The following TFEC variants were observed in gnomAD, a reference collection of about 807,000 sequenced individuals.
TFEC encodes class E basic helix-loop-helix protein 34.
TFEC carries 31 observed loss-of-function variants against 41.6 expected under a neutral mutation model. That is an observed-to-expected ratio of 0.74 (90% CI 0.56 to 1.01). The LOEUF (loss-of-function observed/expected upper bound fraction) is 1.01. TFEC is among the 50% of genes least tolerant of loss of function. The pLI is 0.00. For missense variants in TFEC, 402 were observed against 404.1 expected (o/e 0.99, Z 0.04); for synonymous variants, 143 against 140.6 (o/e 1.02, Z -0.12).
intron 1 of TFEC, among the ~76,000 whole-genome samples, chr7:115,988,436 G>GA (rs1333069434): frequency 1.4e-4 from 22 of 152,134 alleles, no homozygotes; most frequent in Admixed American, 1.4e-3. Context: ...GAATGCTTTT[G>GA]ATGAGTTTAT....
At chr7:116,109,848 G>A (rs1016842999) in intron 3 of TFEC, among the ~76,000 whole-genome samples, 11 of 152,160 alleles carry the variant, frequency 7.2e-5, no homozygotes, top group Admixed American at 2.6e-4. Context: ...ATGATAGATC[G>A]GATTAAGAAA....
At chr7:116,082,411 C>G (rs1017260526) in intron 3 of TFEC, among the ~76,000 whole-genome samples, 1 of 151,896 alleles carries the variant, frequency 6.6e-6, no homozygotes, top group Non-Finnish European at 1.5e-5. Flanking sequence ...CCAAATTATG[C>G]CTAAATATAT....
chr7:116,159,765 T>C (rs1798938211), intron 1 of TFEC: 1 of 152,134 alleles, frequency 6.6e-6, no homozygotes, highest in South Asian at 2.1e-4. Context: ...GTAGTTCCAA[T>C]TAAATAATTC....
intron 1 of TFEC, among the ~76,000 whole-genome samples, chr7:116,028,878 TC>T (rs1795684003): frequency 6.6e-6 from 1 of 152,200 alleles, no homozygotes; most frequent in Non-Finnish European, 1.5e-5. Context: ...TCCTTATTTC[TC>T]CTTTCTGACT....
intron 1 of TFEC, among the ~76,000 whole-genome samples, chr7:116,116,708 A>G (rs1406918265): frequency 6.6e-6 from 1 of 151,918 alleles, no homozygotes; most frequent in Non-Finnish European, 1.5e-5. Context: ...AGCAAATAAG[A>G]GCACATGTCC....
At chr7:115,993,293 G>C (rs113075008) in intron 1 of TFEC, among the ~76,000 whole-genome samples, 5 of 152,264 alleles carry the variant, frequency 3.3e-5, no homozygotes, top group African/African-American at 1.2e-4. Context: ...TTGAAAACTG[G>C]CACAAGACAG....
chr7:116,018,550 T>C (rs1274154827), intron 1 of TFEC, among the ~76,000 whole-genome samples: 1 of 152,106 alleles, frequency 6.6e-6, no homozygotes, highest in African/African-American at 2.4e-5. Context: ...ACACAAGGAA[T>C]CTAGCTTTGG....
chr7:115,955,990 G>A (rs771238161), intron 4 of TFEC, among the ~76,000 whole-genome samples: 10 of 151,788 alleles, frequency 6.6e-5, no homozygotes, highest in South Asian at 2.1e-4. Flanking sequence ...TTATTCTTAC[G>A]GAGGATCTAA....
chr7:115,955,688 A>G (rs941366237), intron 4 of TFEC, among the ~76,000 whole-genome samples: 2 of 152,080 alleles, frequency 1.3e-5, no homozygotes, highest in Non-Finnish European at 2.9e-5. Flanking sequence ...ATAAATGTTT[A>G]TTACTTCAAG....
At chr7:116,058,882 G>A (rs535360551) in intron 3 of TFEC, among the ~76,000 whole-genome samples, 1 of 151,718 alleles carries the variant, frequency 6.6e-6, no homozygotes, top group East Asian at 1.9e-4. Flanking sequence ...GTGAGATGCC[G>A]ATAAAGCAAT....
intron 1 of TFEC, among the ~76,000 whole-genome samples, chr7:115,991,087 A>C (rs1794089221): frequency 6.6e-6 from 1 of 152,214 alleles, no homozygotes; most frequent in South Asian, 2.1e-4. Context: ...AAAATTCATA[A>C]AGAAAAGAAT....
chr7:115,980,501 G>T (rs1387491764), intron 2 of TFEC, among the ~76,000 whole-genome samples: 3 of 152,204 alleles, frequency 2.0e-5, no homozygotes, highest in Admixed American at 2.0e-4. Context: ...TGCAATCCCA[G>T]CACTTTGGGA....
intron 1 of TFEC, among the ~76,000 whole-genome samples, chr7:116,024,467 C>T (rs749127078): frequency 7.2e-4 from 110 of 152,244 alleles, no homozygotes; most frequent in Non-Finnish European, 1.3e-3. Context: ...GGAAATTTAC[C>T]TATCCTTCAC....
At chr7:115,969,762 G>C (rs1793047592) in intron 3 of TFEC, among the ~76,000 whole-genome samples, 1 of 152,104 alleles carries the variant, frequency 6.6e-6, no homozygotes, top group Non-Finnish European at 1.5e-5. Context: ...AGCTAGGTCA[G>C]AGCCTGTGGC....
intron 3 of TFEC, among the ~76,000 whole-genome samples, chr7:116,055,556 T>C (rs1400351308): frequency 6.6e-6 from 1 of 151,980 alleles, no homozygotes; most frequent in Non-Finnish European, 1.5e-5. Flanking sequence ...CTATAAATGA[T>C]ATAGGAAATA....
At chr7:116,037,628 T>C (rs1186700220) in intron 3 of TFEC, among the ~76,000 whole-genome samples, 1 of 152,034 alleles carries the variant, frequency 6.6e-6, no homozygotes, top group Non-Finnish European at 1.5e-5. Flanking sequence ...ATTTTGCCTG[T>C]ATAACACTTT....
chr7:116,119,515 A>T (rs1798063971), intron 1 of TFEC, among the ~76,000 whole-genome samples: 1 of 151,854 alleles, frequency 6.6e-6, no homozygotes, highest in Non-Finnish European at 1.5e-5. Flanking sequence ...CATACGTACA[A>T]TATTTTGAAT....
chr7:116,118,655 C>A (rs558618608), intron 1 of TFEC, among the ~76,000 whole-genome samples: 1 of 151,878 alleles, frequency 6.6e-6, no homozygotes, highest in South Asian at 2.1e-4. Context: ...TTAGTGGTGT[C>A]TAACACTTTT....
At chr7:116,055,411 G>A (rs1377105230) in intron 3 of TFEC, among the ~76,000 whole-genome samples, 2 of 151,850 alleles carry the variant, frequency 1.3e-5, no homozygotes, top group Admixed American at 6.6e-5. Context: ...GAATATATGT[G>A]TATTAAAGAG....
Sources: allele counts gnomAD v4.1 joint callset (sites outside exome capture counted in the v4.1 genomes callset), GRCh38; gene constraint gnomAD v4.1.1; transcripts MANE v1.5; gene names NCBI Gene and HGNC (gene_info 2026-07-23, HGNC 2026-07-21).